KCNMA1: variants seen among roughly 807,000 people sequenced by gnomAD.
The protein encoded by KCNMA1 is potassium calcium-activated channel subfamily M alpha 1.
In KCNMA1, 29 loss-of-function variants were observed where a neutral mutation model predicts 140.0. That is an observed-to-expected ratio of 0.21 (90% CI 0.15 to 0.28). The LOEUF (loss-of-function observed/expected upper bound fraction) is 0.28. KCNMA1 is among the 10% of genes least tolerant of loss of function. The pLI, the probability that KCNMA1 is intolerant of heterozygous loss-of-function variation, is 1.00. For synonymous variants in KCNMA1, 612 were observed against 611.9 expected (o/e 1.00, Z 0.00); for missense variants, 880 against 1,602.2 (o/e 0.55, Z 7.70).
intron 5 of KCNMA1, among the ~76,000 whole-genome samples, chr10:77,146,701 C>CAAAAAAAA (rs5786266): frequency 2.0e-3 from 128 of 64,186 alleles, no homozygotes; most frequent in Non-Finnish European, 2.2e-3. Flanking sequence ...GACTTCATCT[C>CAAAAAAAA]AAAAAAAAAA....
intron 18 of KCNMA1, among the ~76,000 whole-genome samples, chr10:77,009,270 T>C (rs899779306): frequency 6.6e-6 from 1 of 152,114 alleles, no homozygotes; most frequent in Non-Finnish European, 1.5e-5. Context: ...TTAAAGGAAA[T>C]GAAGAGAAGA....
chr10:77,043,194 G>A (rs192937860), intron 14 of KCNMA1, among the ~76,000 whole-genome samples: 6 of 152,286 alleles, frequency 3.9e-5, no homozygotes, highest in East Asian at 1.9e-4. Flanking sequence ...TAGTAGCATC[G>A]AATCAACTGA....
intron 3 of KCNMA1, among the ~76,000 whole-genome samples, chr10:77,241,509 A>G (rs1360829087): frequency 6.6e-6 from 1 of 151,930 alleles, no homozygotes; most frequent in Non-Finnish European, 1.5e-5. Flanking sequence ...TTAGCTGGGC[A>G]TGATGGTGCC....
At chr10:76,994,919 G>A (rs1188715768) in intron 19 of KCNMA1, among the ~76,000 whole-genome samples, 1 of 152,214 alleles carries the variant, frequency 6.6e-6, no homozygotes, top group African/African-American at 2.4e-5. Context: ...AACCACAGGT[G>A]CTGCAGACCC....
chr10:77,450,299 A>G (rs1401432153), intron 1 of KCNMA1, among the ~76,000 whole-genome samples: 3 of 151,966 alleles, frequency 2.0e-5, no homozygotes, highest in East Asian at 1.9e-4. Flanking sequence ...GAGGTGATCC[A>G]CCTGCCTCGG....
chr10:77,119,508 TA>T (rs1183769927), intron 6 of KCNMA1, among the ~76,000 whole-genome samples: 1 of 152,178 alleles, frequency 6.6e-6, no homozygotes, highest in Non-Finnish European at 1.5e-5. Flanking sequence ...GTTCCATCTT[TA>T]AAACACAGTC....
intron 1 of KCNMA1, among the ~76,000 whole-genome samples, chr10:77,411,825 G>A (rs1407340808): frequency 6.6e-6 from 1 of 152,190 alleles, no homozygotes; most frequent in East Asian, 1.9e-4. Flanking sequence ...TTCACCCTTC[G>A]TGGAGCAGAG....
At chr10:77,255,337 T>A (rs1600178310) in intron 2 of KCNMA1, among the ~76,000 whole-genome samples, 1 of 152,136 alleles carries the variant, frequency 6.6e-6, no homozygotes, top group South Asian at 2.1e-4. Context: ...CAGTGGCTCA[T>A]GCCTGTAATC....
intron 16 of KCNMA1, among the ~76,000 whole-genome samples, chr10:77,024,816 A>G (rs2093244521): frequency 6.6e-6 from 1 of 152,210 alleles, no homozygotes; most frequent in Non-Finnish European, 1.5e-5. Context: ...GAAATAAAAT[A>G]TTCAAAATGT....
At chr10:77,027,692 G>A (rs1045552026) in intron 16 of KCNMA1, 131 bp downstream of exon 16, 3 of 811,482 alleles carry the variant, frequency 3.7e-6, no homozygotes, top group African/African-American at 1.7e-5. Context: ...GTGCTCTAGG[G>A]TCAGAGAGGT....
chr10:76,871,108 A>G (rs2151353675), exon 28 of KCNMA1: 1 of 152,330 alleles, frequency 6.6e-6, no homozygotes, highest in Admixed American at 6.5e-5. Flanking sequence ...CCCTAAAATA[A>G]TTCATCCAGG....
chr10:77,181,264 G>C (rs1210463765), intron 5 of KCNMA1, among the ~76,000 whole-genome samples: 4 of 152,096 alleles, frequency 2.6e-5, no homozygotes, highest in Non-Finnish European at 5.9e-5. Context: ...GAGTGCACAG[G>C]GTAATTAAGC....
chr10:76,880,146 G>C (rs566113531), downstream of KCNMA1, among the ~76,000 whole-genome samples: 54 of 152,310 alleles, frequency 3.5e-4, no homozygotes, highest in African/African-American at 1.3e-3. Context: ...TTTTACAACT[G>C]CTGAAGAGAA....
At chr10:77,474,989 G>A (rs1318288309) in intron 1 of KCNMA1, among the ~76,000 whole-genome samples, 2 of 152,182 alleles carry the variant, frequency 1.3e-5, no homozygotes, top group Non-Finnish European at 2.9e-5. Flanking sequence ...AGCCCTGGAG[G>A]ACAGAGTGGG....
rs1413493780 is a variant in KCNMA1 at position 77,026,006 on chromosome 10, T to A, written c.1928+1817A>T. On this transcript the variant is annotated intron_variant, in intron 16 of 27. Transcript: ENST00000286628. ...TTTCTGAAGAAAAAAAAAATATATA[T>A]ATATATATATATACTAAAAACTATA... Among the ~76,000 whole-genome samples the A allele has an allele frequency of 8.7e-4, 126 of 144,762 alleles. 1 individual carries two copies. The highest frequency in any genetic ancestry group is 3.1e-3 in the African/African-American group (123 of 39,440). The allele number at this position is 144,762 out of a possible 152,430, so 95.0% of individuals were successfully genotyped here.
intron 3 of KCNMA1, among the ~76,000 whole-genome samples, chr10:77,198,088 G>C (rs1221101393): frequency 6.6e-6 from 1 of 152,118 alleles, no homozygotes; most frequent in African/African-American, 2.4e-5. Flanking sequence ...AACCTCATGA[G>C]AGTTTTTAAC....
At chr10:77,312,575 G>A (rs1283665845) in intron 2 of KCNMA1, among the ~76,000 whole-genome samples, 3 of 152,324 alleles carry the variant, frequency 2.0e-5, no homozygotes, top group East Asian at 3.9e-4. Context: ...GTAGTGAGCT[G>A]AAATCGTGAC....
intron 5 of KCNMA1, among the ~76,000 whole-genome samples, chr10:77,168,229 C>G (rs756345300): frequency 5.9e-5 from 9 of 152,114 alleles, no homozygotes; most frequent in Non-Finnish European, 1.2e-4. Context: ...GCAAGTAAGA[C>G]AGGTCACACA....
intron 1 of KCNMA1, among the ~76,000 whole-genome samples, chr10:77,624,836 G>T (rs1056466955): frequency 5.9e-5 from 9 of 151,986 alleles, no homozygotes; most frequent in African/African-American, 2.2e-4. Context: ...AAAGAGGGTT[G>T]TTCTCTTCAT....
Sources: gnomAD v4.1 joint callset for allele counts (sites outside exome capture counted in the v4.1 genomes callset) on GRCh38, gnomAD v4.1.1 for gene constraint, MANE v1.5 for transcripts, NCBI Gene and HGNC (gene_info 2026-07-23, HGNC 2026-07-21) for gene names.